Variants in SYNPO2 observed in about 807,000 individuals in gnomAD.
SYNPO2 encodes synaptopodin 2, also known as synaptopodin-2.
Under a neutral mutation model 85.0 loss-of-function variants are expected in SYNPO2, and 56 were observed. The ratio of observed to expected loss-of-function variants is 0.66; its 90% CI spans 0.53 to 0.82. The LOEUF is 0.82. SYNPO2 is among the 40% of genes least tolerant of loss of function. The probability of loss-of-function intolerance (pLI) is 0.00; values close to 1 mark genes in which losing one functional copy is unlikely to be tolerated. For missense variants in SYNPO2, 1,575 were observed against 1,534.2 expected, an observed-to-expected ratio of 1.03 and a Z score of -0.44; for synonymous variants, 602 against 591.1, an observed-to-expected ratio of 1.02 and a Z score of -0.27.
rs754086294 is a variant in SYNPO2 at position 119,060,097 on chromosome 4, T to C, written c.*2163T>C. On this transcript the variant is annotated 3_prime_UTR_variant, in exon 5 of 5. Coordinates refer to ENST00000307142, the MANE Select transcript of SYNPO2 (RefSeq NM_133477.3). ...CTTGCCAGGGCCACGTTCTACTTCA[T>C]TGCTTTCTTTTATAAGTGCAAGGAG... 4.6e-5 allele frequency: 7 copies of C among 152,182 alleles called. No individual in the cohort carries two copies. The highest frequency in any genetic ancestry group is 1.7e-4 in the African/African-American group (7 of 41,436). 9.4% of individuals were successfully genotyped at this position (152,182 alleles called of 1,614,324 possible).
At chr4:118,868,394 AG>A (rs1182909350) in intron 1 of SYNPO2, among the ~76,000 whole-genome samples, 62 of 152,178 alleles carry the variant, frequency 4.1e-4, no homozygotes, top group African/African-American at 1.4e-3. Flanking sequence ...ATTTTCATGT[AG>A]GTTAATGGAT....
Position 119,058,053 on chromosome 4 carries a change from G to T in SYNPO2, c.*119G>T. On this transcript the variant is annotated 3_prime_UTR_variant, in exon 5 of 5. Coordinates refer to ENST00000307142, the MANE Select transcript of SYNPO2 (RefSeq NM_133477.3). Reference sequence around the variant, plus strand: ...TTTTGGTCTTGGCTTGTTCTCATAAGTCATTTATCTAAGTTTGTGTTTCTG... The same window carrying T: ...TTTTGGTCTTGGCTTGTTCTCATAATTCATTTATCTAAGTTTGTGTTTCTG... 2 of 1,092,536 alleles carry T rather than the reference G, an allele frequency of 1.8e-6. No individual in the cohort carries two copies. The highest frequency in any genetic ancestry group is 1.7e-5 in the South Asian group (1 of 59,236). 67.7% of individuals were successfully genotyped at this position (1,092,536 alleles called of 1,614,324 possible).
chr4:118,951,280 G>A lies in SYNPO2; in HGVS notation c.105+62139G>A, dbSNP rs534433764. 5.3e-5 allele frequency among the ~76,000 whole-genome samples: 8 copies of A among 152,254 alleles called. No individual in the cohort carries two copies. In the South Asian group the frequency reaches 1.7e-3, roughly 32 times the overall value. On this transcript the variant is annotated intron_variant, in intron 1 of 4. Transcript: ENST00000307142. ...GCCCCTTCTCTGCTTCCAAGATGCTGCCTTGTTGCTGCATCCTCTGGAGGG... is the reference window on the plus strand; with the variant it reads ...GCCCCTTCTCTGCTTCCAAGATGCTACCTTGTTGCTGCATCCTCTGGAGGG...
At chr4:119,002,520 A>G (rs374399114) in intron 1 of SYNPO2, among the ~76,000 whole-genome samples, 1 of 152,032 alleles carries the variant, frequency 6.6e-6, no homozygotes, top group Non-Finnish European at 1.5e-5. Flanking sequence ...CGGCCTCCCA[A>G]AGTGCTGTGA....
intron 1 of SYNPO2, among the ~76,000 whole-genome samples, chr4:119,011,904 C>T (rs1419280193): frequency 6.7e-6 from 1 of 148,630 alleles, no homozygotes; most frequent in East Asian, 2.0e-4. Context: ...TCTCCCCTTC[C>T]TCTCCTTTCT....
intron 1 of SYNPO2, among the ~76,000 whole-genome samples, chr4:118,972,165 C>T (rs183844710): frequency 3.9e-5 from 6 of 152,142 alleles, no homozygotes; most frequent in Admixed American, 1.3e-4. Context: ...ATTCTGAGGC[C>T]GAGTGCAGAG....
chr4:119,036,824 G>A (rs1738531945), intron 4 of SYNPO2: 2 of 1,039,658 alleles, frequency 1.9e-6, no homozygotes, highest in Non-Finnish European at 2.3e-6. Flanking sequence ...CTACTCAGAG[G>A]CAATTGAATA....
chr4:119,033,817 G>C (rs1738383009), intron 4 of SYNPO2: 1 of 984,174 alleles, frequency 1.0e-6, no homozygotes. Flanking sequence ...TCTCTATATG[G>C]CTCCCACAAC....
In SYNPO2 at chr4:118,888,891, G is replaced by A. The variant is rs1207205036; in HGVS notation, c.-146G>A. On this transcript the variant is annotated 5_prime_UTR_variant, in exon 1 of 5. Coordinates refer to ENST00000307142, the MANE Select transcript of SYNPO2 (RefSeq NM_133477.3). Reference sequence around the variant, plus strand: ...AGCAGGCGGCTGGGGCGGCGGCTGGGGCAGCGGCTGCAGCAGCGGCGGACG... The same window carrying A: ...AGCAGGCGGCTGGGGCGGCGGCTGGAGCAGCGGCTGCAGCAGCGGCGGACG... The A allele has an allele frequency of 1.2e-6, 1 of 804,230 alleles. No homozygotes were observed. The highest frequency in any genetic ancestry group is 2.0e-6 in the Non-Finnish European group (1 of 494,184). 49.8% of individuals were successfully genotyped at this position (804,230 alleles called of 1,614,324 possible).
chr4:118,878,945 C>A, intron 1 of SYNPO2, among the ~76,000 whole-genome samples: 1 of 152,308 alleles, frequency 6.6e-6, no homozygotes, highest in Non-Finnish European at 1.5e-5. Context: ...TGGGTCCGCA[C>A]TACCTCTAAG....
At chr4:119,028,852 T>A (rs1038826642) in intron 3 of SYNPO2, among the ~76,000 whole-genome samples, 1 of 151,966 alleles carries the variant, frequency 6.6e-6, no homozygotes, top group Non-Finnish European at 1.5e-5. Context: ...ATTGAAAATA[T>A]GATATAACTA....
Position 119,027,382 on chromosome 4 carries a change from A to G in SYNPO2, c.1013A>G (p.Asp338Gly). 1 of 1,613,076 alleles carries G rather than the reference A, an allele frequency of 6.2e-7. No individual in the cohort carries two copies. The highest frequency in any genetic ancestry group is 8.5e-7 in the Non-Finnish European group (1 of 1,179,648). ...VSSEGTEQGE[D>G]PRSEKDHSRP... Reference sequence around the variant, plus strand: ...TCAGAAGGCACAGAGCAGGGAGAAGATCCACGCTCGGAAAAAGATCACAGC... The same window carrying G: ...TCAGAAGGCACAGAGCAGGGAGAAGGTCCACGCTCGGAAAAAGATCACAGC... The change falls in exon 3 of 5, where the codon GAT becomes GGT. Residue 338 changes from aspartate to glycine, a missense_variant. Coordinates refer to ENST00000307142, the MANE Select transcript of SYNPO2 (RefSeq NM_133477.3).
intron 1 of SYNPO2, among the ~76,000 whole-genome samples, chr4:118,879,583 T>G (rs1732032232): frequency 6.6e-6 from 1 of 152,118 alleles, no homozygotes; most frequent in African/African-American, 2.4e-5. Context: ...AGCCCTTTGA[T>G]CTTAGACTTC....
At chr4:118,927,741 T>TAGATGATAGATAGATATATAGAC (rs1733772293) in intron 1 of SYNPO2, among the ~76,000 whole-genome samples, 12 of 122,328 alleles carry the variant, frequency 9.8e-5, no homozygotes, top group East Asian at 2.2e-4. Flanking sequence ...GATAGATAGA[T>TAGATGATAGATAGATATATAGAC]AGATAGATGA....
At chr4:119,008,758 A>C (rs1452659535) in intron 1 of SYNPO2, among the ~76,000 whole-genome samples, 1 of 152,096 alleles carries the variant, frequency 6.6e-6, no homozygotes, top group Non-Finnish European at 1.5e-5. Context: ...GGGTTAAGTA[A>C]AATTTTTTTT....
chr4:118,945,190 A>G lies in SYNPO2; in HGVS notation c.105+56049A>G, dbSNP rs186994395. ...TATTTTCTGACAATGTTTCAGAGTC[A>G]TGTTGTCTTTTTAACTTATTTCCTA... On this transcript the variant is annotated intron_variant, in intron 1 of 4. Coordinates refer to ENST00000307142, the MANE Select transcript of SYNPO2 (RefSeq NM_133477.3). 1.5e-3 allele frequency among the ~76,000 whole-genome samples: 236 copies of G among 152,378 alleles called. 3 individuals carry two copies. Among genetic ancestry groups the G allele is most frequent in the African/African-American group, 5.4e-3 (223 of 41,598 alleles).
chr4:119,000,180 C>T (rs896168345), intron 1 of SYNPO2, among the ~76,000 whole-genome samples: 5 of 152,102 alleles, frequency 3.3e-5, no homozygotes, highest in African/African-American at 1.2e-4. Context: ...CTTTTTCCAC[C>T]AGGTAGCAAG....
Position 119,057,969 on chromosome 4 carries a change from T to G in SYNPO2, c.*35T>G. 1 of 1,555,408 alleles carries G rather than the reference T, an allele frequency of 6.4e-7. No homozygotes were observed. Among genetic ancestry groups the G allele is most frequent in the Non-Finnish European group, 8.6e-7 (1 of 1,159,770 alleles). On this transcript the variant is annotated 3_prime_UTR_variant, in exon 5 of 5. Coordinates refer to ENST00000307142, the MANE Select transcript of SYNPO2 (RefSeq NM_133477.3). ...GAACGGATCATGTGCCAACTGTAGT[T>G]TTTTAAAAAAAACGCTCCTTTGTAG...
Position 119,026,659 on chromosome 4 carries a change from C to CTGAAAA in SYNPO2, c.297_302dup (p.Glu100_Asn101dup). On this transcript the variant is annotated inframe_insertion, in exon 3 of 5. Transcript: ENST00000307142. ...AGTGGAATAAGTGAGGCTTTGATAT[C>CTGAAAA]TGAAAATGAAAACAAAAACCTCGAG... 6.2e-7 allele frequency: 1 copy of CTGAAAA among 1,611,220 alleles called. No homozygotes were observed. Among genetic ancestry groups the CTGAAAA allele is most frequent in the Non-Finnish European group, 8.5e-7 (1 of 1,178,752 alleles).
Sources: allele counts gnomAD v4.1 joint callset (sites outside exome capture counted in the v4.1 genomes callset), GRCh38; gene constraint gnomAD v4.1.1; transcripts MANE v1.5; gene names NCBI Gene and HGNC (gene_info 2026-07-23, HGNC 2026-07-21).